Variants in TMEM38B observed in about 807,000 individuals in gnomAD.
TMEM38B encodes the protein transmembrane protein 38B.
Under a neutral mutation model 28.7 loss-of-function variants are expected in TMEM38B, and 24 were observed. That is an observed-to-expected ratio of 0.84 (90% CI 0.61 to 1.18). The LOEUF (loss-of-function observed/expected upper bound fraction) is 1.18, where lower values mean the gene tolerates loss of function less well. Ranked by LOEUF, TMEM38B falls within the 50% of genes most tolerant of loss-of-function variation. The pLI is 0.00. For missense variants in TMEM38B, 380 were observed against 350.9 expected (o/e 1.08, Z -0.66); for synonymous variants, 131 against 127.7 (o/e 1.03, Z -0.17).
chr9:105,762,028 T>A (rs1260895423), intron 5 of TMEM38B, among the ~76,000 whole-genome samples: 1 of 152,092 alleles, frequency 6.6e-6, no homozygotes, highest in Non-Finnish European at 1.5e-5. Flanking sequence ...TTCTATTTTT[T>A]ACTCCAAGGT....
intron 4 of TMEM38B, among the ~76,000 whole-genome samples, chr9:105,733,423 T>TTTC (rs199518964): frequency 0.019 from 2,763 of 146,670 alleles, 55 homozygotes; most frequent in African/African-American, 0.042. Flanking sequence ...TCTTTTTTCT[T>TTTC]TTTTTTTTTT....
At chr9:105,718,881 G>C (rs1836212834) in intron 2 of TMEM38B, among the ~76,000 whole-genome samples, 1 of 152,044 alleles carries the variant, frequency 6.6e-6, no homozygotes, top group South Asian at 2.1e-4. Flanking sequence ...TACAACAAAA[G>C]GTATCATTTT....
intron 2 of TMEM38B, among the ~76,000 whole-genome samples, chr9:105,711,393 A>G (rs986380344): frequency 1.7e-4 from 26 of 151,996 alleles, no homozygotes; most frequent in Admixed American, 6.6e-4. Context: ...GTGAACCGAG[A>G]TCGTGCCACT....
chr9:105,694,654 G>C lies in TMEM38B; in HGVS notation c.-7G>C, dbSNP rs764969788. On this transcript the variant is annotated 5_prime_UTR_variant, in exon 1 of 6. Coordinates refer to ENST00000374692, the MANE Select transcript of TMEM38B (RefSeq NM_018112.3). ...GGCTGCTTCGGTTGCCGCGGTCGGT[G>C]GTCGTTATGGATTCTCCATGGGACG... The C allele has an allele frequency of 3.0e-5, 49 of 1,612,186 alleles. No individual in the cohort carries two copies. Among genetic ancestry groups the C allele is most frequent in the Non-Finnish European group, 3.8e-5 (45 of 1,178,644 alleles).
chr9:105,694,963 G>T (rs1411675275), intron 1 of TMEM38B, among the ~76,000 whole-genome samples, 191 bp downstream of exon 1: 1 of 152,224 alleles, frequency 6.6e-6, no homozygotes, highest in Non-Finnish European at 1.5e-5. Flanking sequence ...GAAACAGCGT[G>T]GGGGAGGACG....
chr9:105,737,830 G>T (rs1217678530), intron 4 of TMEM38B, among the ~76,000 whole-genome samples: 4 of 152,084 alleles, frequency 2.6e-5, no homozygotes, highest in Non-Finnish European at 2.9e-5. Context: ...GCTCTGCTTG[G>T]CCAAAGTCCT....
chr9:105,710,522 G>A, intron 2 of TMEM38B: 3 of 1,177,368 alleles, frequency 2.5e-6, no homozygotes, highest in East Asian at 4.7e-5. Flanking sequence ...ATCCCCCTGG[G>A]CAAACTGTAT....
At chr9:105,697,926 A>AT (rs1835341937) in intron 1 of TMEM38B, among the ~76,000 whole-genome samples, 1 of 152,028 alleles carries the variant, frequency 6.6e-6, no homozygotes, top group African/African-American at 2.4e-5. Context: ...TATCTGCAGT[A>AT]TTTTTTGTTG....
At chr9:105,737,719 G>A (rs1263990746) in intron 4 of TMEM38B, among the ~76,000 whole-genome samples, 1 of 152,166 alleles carries the variant, frequency 6.6e-6, no homozygotes, top group Non-Finnish European at 1.5e-5. Context: ...AGGTGCCAAG[G>A]GGGATCAACT....
In TMEM38B at chr9:105,770,766, A is replaced by C. The variant is rs1011136279; in HGVS notation, c.661-3099A>C. ...GCCTATTGGAATAGACACGAGTTAC[A>C]CTGAAAAGGATTATTTGAATTTGGG... On this transcript the variant is annotated intron_variant, in intron 5 of 5. Coordinates refer to ENST00000374692, the MANE Select transcript of TMEM38B (RefSeq NM_018112.3). 3.3e-5 allele frequency among the ~76,000 whole-genome samples: 5 copies of C among 152,262 alleles called. No homozygotes were observed. The South Asian group carries it at 8.3e-4, about 25-fold the overall frequency.
Position 105,694,658 on chromosome 9 carries a change from G to T in TMEM38B, c.-3G>T. On this transcript the variant is annotated 5_prime_UTR_variant, in exon 1 of 6. Coordinates refer to ENST00000374692, the MANE Select transcript of TMEM38B (RefSeq NM_018112.3). ...GCTTCGGTTGCCGCGGTCGGTGGTCGTTATGGATTCTCCATGGGACGAGTT... is the reference window on the plus strand; with the variant it reads ...GCTTCGGTTGCCGCGGTCGGTGGTCTTTATGGATTCTCCATGGGACGAGTT... 1.2e-6 allele frequency: 2 copies of T among 1,613,070 alleles called. No homozygotes were observed. Among genetic ancestry groups the T allele is most frequent in the African/African-American group, 1.3e-5 (1 of 74,994 alleles).
chr9:105,709,626 A>C (rs1005390624), intron 2 of TMEM38B, among the ~76,000 whole-genome samples: 1 of 152,250 alleles, frequency 6.6e-6, no homozygotes, highest in Non-Finnish European at 1.5e-5. Context: ...TTTGCTGAAC[A>C]TACTGACTAG....
intron 5 of TMEM38B, among the ~76,000 whole-genome samples, chr9:105,754,980 A>G (rs74997831): frequency 0.076 from 11,539 of 152,232 alleles, 999 homozygotes; most frequent in African/African-American, 0.21. Context: ...ATACTGTACT[A>G]TATACTATAA....
intron 5 of TMEM38B, among the ~76,000 whole-genome samples, chr9:105,765,166 G>C (rs1418496590): frequency 6.6e-6 from 1 of 152,070 alleles, no homozygotes; most frequent in Non-Finnish European, 1.5e-5. Flanking sequence ...AACTTTTTTT[G>C]TTTATAGATT....
At chr9:105,699,785 CCCTT>C (rs1400256090) in intron 1 of TMEM38B, among the ~76,000 whole-genome samples, 19 of 152,130 alleles carry the variant, frequency 1.2e-4, no homozygotes, top group African/African-American at 4.3e-4. Context: ...TCCTCCTGAA[CCCTT>C]GCGTGTGATT....
At chr9:105,769,308 T>G (rs962540144) in intron 5 of TMEM38B, among the ~76,000 whole-genome samples, 2 of 152,176 alleles carry the variant, frequency 1.3e-5, no homozygotes, top group African/African-American at 4.8e-5. Context: ...GCACAAAATT[T>G]TAAATTTGTA....
rs539803376 is a variant in TMEM38B at position 105,774,112 on chromosome 9, T to C, written c.*32T>C. ...GTGATGAGCTCTACAAGGCCAAAAA[T>C]TTTTTTTCTTATCTACCTGTTATAT... On this transcript the variant is annotated 3_prime_UTR_variant, in exon 6 of 6. Coordinates refer to ENST00000374692, the MANE Select transcript of TMEM38B (RefSeq NM_018112.3). 1 of 1,589,896 alleles carries C rather than the reference T, an allele frequency of 6.3e-7. No individual in the cohort carries two copies. The highest frequency in any genetic ancestry group is 1.7e-5 in the Admixed American group (1 of 57,652).
rs1044381170 is a variant in TMEM38B at position 105,705,626 on chromosome 9, A to G, written c.142A>G (p.Ile48Val). Residue 48 changes from isoleucine (I) to valine (V), a missense_variant, in exon 2 of 6, where the codon ATT becomes GTT. Ile to Val is a conservative substitution (Grantham distance 29). Transcript: ENST00000374692. ...AGCTGCATTGGCATGGAAGAATCCT[A>G]TTTCAAGCTGGTTTACTGCTATGCT... ...GAAALAWKNP[I>V]SSWFTAMLHC... 6.2e-6 allele frequency: 10 copies of G among 1,614,000 alleles called. No individual in the cohort carries two copies. The highest frequency in any genetic ancestry group is 6.8e-6 in the Non-Finnish European group (8 of 1,179,958).
At chr9:105,755,779 T>G (rs1837810695) in intron 5 of TMEM38B, among the ~76,000 whole-genome samples, 1 of 152,234 alleles carries the variant, frequency 6.6e-6, no homozygotes, top group Non-Finnish European at 1.5e-5. Context: ...CCTAAGTATT[T>G]TATTCTTCTT....
Sources: gnomAD v4.1 joint callset for allele counts (sites outside exome capture counted in the v4.1 genomes callset) on GRCh38, gnomAD v4.1.1 for gene constraint, MANE v1.5 for transcripts, NCBI Gene and HGNC (gene_info 2026-07-23, HGNC 2026-07-21) for gene names.